The following PTPN12 variants were observed in gnomAD, a reference collection of about 807,000 sequenced individuals.
PTPN12 encodes tyrosine-protein phosphatase non-receptor type 12.
PTPN12 carries 29 observed loss-of-function variants against 97.6 expected under a neutral mutation model. The observed-to-expected ratio is 0.30, with a 90% CI of 0.22 to 0.41. PTPN12 has a LOEUF of 0.41. Among genes scored for constraint, PTPN12 ranks in the 10% least tolerant of loss-of-function variants. The probability of loss-of-function intolerance (pLI) is 1.00; values close to 1 mark genes in which losing one functional copy is unlikely to be tolerated. For missense variants in PTPN12, 819 were observed against 926.0 expected (o/e 0.88, Z 1.50); for synonymous variants, 327 against 300.4 (o/e 1.09, Z -0.91).
At chr7:77,593,612 T>G (rs1787935319) in intron 6 of PTPN12, among the ~76,000 whole-genome samples, 1 of 152,244 alleles carries the variant, frequency 6.6e-6, no homozygotes, top group Non-Finnish European at 1.5e-5. Context: ...TCTGTCTTGC[T>G]TCAGGAGGCT....
chr7:77,589,513 A>G (rs1020013334), intron 5 of PTPN12, among the ~76,000 whole-genome samples: 5 of 152,172 alleles, frequency 3.3e-5, no homozygotes, highest in African/African-American at 1.2e-4. Context: ...TGTAGTTAAT[A>G]TATTTAAAAT....
intron 2 of PTPN12, among the ~76,000 whole-genome samples, chr7:77,576,488 T>G (rs1361827515): frequency 6.6e-6 from 1 of 151,942 alleles, no homozygotes; most frequent in Non-Finnish European, 1.5e-5. Flanking sequence ...TCACTTGAGA[T>G]CAGATCAAGA....
At position 77,571,074 on chromosome 7, in the gene PTPN12, T is replaced by G; in HGVS notation, c.100-4T>G. 1 of 1,531,442 alleles carries G rather than the reference T, an allele frequency of 6.5e-7. No homozygotes were observed. The highest frequency in any genetic ancestry group is 8.8e-7 in the Non-Finnish European group (1 of 1,135,636). The allele number at this position is 1,531,442 out of a possible 1,614,324, so 94.9% of individuals were successfully genotyped here. On this transcript the variant is annotated splice_polypyrimidine_tract_variant and splice_region_variant and intron_variant, in intron 1 of 17. Transcript: ENST00000248594. ...ACTTTAATTTTTATTTGTTGTATTT[T>G]AAGCGGTTAAGAAGATTGTCTACCA... is the stretch of plus-strand genomic sequence containing the variant.
intron 15 of PTPN12, among the ~76,000 whole-genome samples, chr7:77,636,611 A>C (rs1789602170): frequency 6.6e-6 from 1 of 152,164 alleles, no homozygotes; most frequent in Non-Finnish European, 1.5e-5. Context: ...ATAGGAGATA[A>C]CATTTTTTAT....
intron 9 of PTPN12, among the ~76,000 whole-genome samples, chr7:77,609,045 C>A (rs1205846902): frequency 1.3e-5 from 2 of 151,922 alleles, no homozygotes; most frequent in African/African-American, 4.8e-5. Context: ...CATGGTGAAA[C>A]CCCATTTCTA....
chr7:77,599,483 T>A (rs1562739145), intron 7 of PTPN12, among the ~76,000 whole-genome samples: 1 of 152,090 alleles, frequency 6.6e-6, no homozygotes, highest in East Asian at 1.9e-4. Context: ...AGAGATGAAG[T>A]CTTGCCATGT....
intron 12 of PTPN12, among the ~76,000 whole-genome samples, chr7:77,622,038 C>T (rs1462343252): frequency 1.3e-5 from 2 of 152,204 alleles, no homozygotes; most frequent in African/African-American, 4.8e-5. Flanking sequence ...TTATGGCTCA[C>T]TGCAGCCTCG....
At chr7:77,541,096 T>C (rs1806952021) in intron 1 of PTPN12, among the ~76,000 whole-genome samples, 1 of 152,174 alleles carries the variant, frequency 6.6e-6, no homozygotes, top group Non-Finnish European at 1.5e-5. Flanking sequence ...TTTTGTTGTT[T>C]TGTTCTGTTT....
intron 1 of PTPN12, among the ~76,000 whole-genome samples, chr7:77,543,776 T>C (rs915495349): frequency 2.0e-5 from 3 of 152,212 alleles, no homozygotes; most frequent in Non-Finnish European, 4.4e-5. Context: ...ATATGTGGTG[T>C]TTTGTGACTG....
chr7:77,584,831 A>G (rs527784967), intron 4 of PTPN12, among the ~76,000 whole-genome samples: 37 of 151,728 alleles, frequency 2.4e-4, no homozygotes, highest in East Asian at 3.9e-4. Flanking sequence ...GAGCTGAGAT[A>G]GCGCCACTGC....
chr7:77,546,373 C>T (rs1464541741), intron 1 of PTPN12, among the ~76,000 whole-genome samples: 1 of 152,182 alleles, frequency 6.6e-6, no homozygotes, highest in Non-Finnish European at 1.5e-5. Context: ...GAGTTGAAAA[C>T]TTGATAAGGT....
chr7:77,568,713 T>C (rs1808355566), intron 1 of PTPN12, among the ~76,000 whole-genome samples: 1 of 152,204 alleles, frequency 6.6e-6, no homozygotes, highest in African/African-American at 2.4e-5. Flanking sequence ...TGAGGTACAT[T>C]CACATTTTAT....
chr7:77,631,526 G>A (rs1302077372), intron 13 of PTPN12, among the ~76,000 whole-genome samples: 4 of 152,058 alleles, frequency 2.6e-5, no homozygotes, highest in Non-Finnish European at 5.9e-5. Context: ...TTCACACACA[G>A]GATTGTATTC....
intron 12 of PTPN12, among the ~76,000 whole-genome samples, chr7:77,624,300 G>C (rs751316864): frequency 6.6e-6 from 1 of 151,642 alleles, no homozygotes; most frequent in Non-Finnish European, 1.5e-5. Flanking sequence ...TGTAAAACTT[G>C]AACAGATATA....
intron 1 of PTPN12, among the ~76,000 whole-genome samples, chr7:77,544,238 T>C (rs1233918126): frequency 6.6e-6 from 1 of 152,216 alleles, no homozygotes; most frequent in Non-Finnish European, 1.5e-5. Flanking sequence ...TGTGGTTAGC[T>C]TGTAAGATTT....
chr7:77,566,454 G>T (rs1175550346), intron 1 of PTPN12, among the ~76,000 whole-genome samples: 1 of 152,110 alleles, frequency 6.6e-6, no homozygotes, highest in Non-Finnish European at 1.5e-5. Flanking sequence ...TGGTGCAGTG[G>T]CTTATGGCTG....
chr7:77,604,556 A>G (rs960887067), intron 8 of PTPN12, among the ~76,000 whole-genome samples: 13 of 152,166 alleles, frequency 8.5e-5, no homozygotes, highest in African/African-American at 2.6e-4. Flanking sequence ...TATTGAGGAC[A>G]TTAACTTTTA....
intron 9 of PTPN12, among the ~76,000 whole-genome samples, chr7:77,608,918 A>G (rs1293228183): frequency 2.0e-5 from 3 of 152,236 alleles, no homozygotes; most frequent in African/African-American, 7.2e-5. Context: ...ACATTTGGTC[A>G]TTTTAAAAGT....
chr7:77,548,475 T>A (rs1807326532), intron 1 of PTPN12, among the ~76,000 whole-genome samples: 2 of 152,200 alleles, frequency 1.3e-5, no homozygotes, highest in African/African-American at 4.8e-5. Context: ...AACTCTTTAG[T>A]GTTAGAAGGA....
Sources: allele counts gnomAD v4.1 joint callset (sites outside exome capture counted in the v4.1 genomes callset), GRCh38; gene constraint gnomAD v4.1.1; transcripts MANE v1.5; gene names NCBI Gene and HGNC (gene_info 2026-07-23, HGNC 2026-07-21).